DHX9: variants seen among roughly 807,000 people sequenced by gnomAD.
DHX9 encodes DExH-box helicase 9.
Under a neutral mutation model 148.7 loss-of-function variants are expected in DHX9, and 27 were observed. The observed-to-expected ratio is 0.18, with a 90% CI of 0.13 to 0.25. The LOEUF is 0.25. Ranked by LOEUF, DHX9 falls within the 10% of genes least tolerant of loss-of-function variation. The pLI is 1.00. For synonymous variants in DHX9, 529 were observed against 516.6 expected (o/e 1.02, Z -0.33); for missense variants, 796 against 1,559.6 (o/e 0.51, Z 8.25).
intron 22 of DHX9, 68 bp from the exon 23 acceptor site, chr1:182,881,196 G>A (rs774211797): frequency 2.5e-5 from 38 of 1,525,304 alleles, no homozygotes; most frequent in Non-Finnish European, 3.0e-5. Flanking sequence ...ACAGTCGACA[G>A]TCCTACCTGA....
chr1:182,875,608 A>C (rs1273531069), intron 16 of DHX9, among the ~76,000 whole-genome samples: 1 of 151,724 alleles, frequency 6.6e-6, no homozygotes, highest in Non-Finnish European at 1.5e-5. Context: ...TAGAAAACCT[A>C]AGATTATATC....
chr1:182,875,915 A>C, intron 16 of DHX9, 135 bp from the exon 17 acceptor site: 2 of 696,194 alleles, frequency 2.9e-6, no homozygotes, highest in Non-Finnish European at 4.8e-6. Flanking sequence ...TTTCTTCTGT[A>C]TTCTATAGTG....
chr1:182,857,592 C>G (rs1668278943), intron 7 of DHX9, among the ~76,000 whole-genome samples: 1 of 152,208 alleles, frequency 6.6e-6, no homozygotes, highest in Non-Finnish European at 1.5e-5. Context: ...GTTTATCAAA[C>G]TCTGTTGTCA....
chr1:182,856,436 G>T, intron 6 of DHX9, 96 bp from the exon 7 acceptor site: 3 of 968,764 alleles, frequency 3.1e-6, no homozygotes, highest in Admixed American at 2.0e-5. Flanking sequence ...TCTGTGATTT[G>T]CCTAAGCAGT....
chr1:182,845,994 C>A (rs776712996), intron 3 of DHX9, among the ~76,000 whole-genome samples: 1 of 152,108 alleles, frequency 6.6e-6, no homozygotes, highest in Non-Finnish European at 1.5e-5. Flanking sequence ...TTGATTAAAT[C>A]GTTGGCCATT....
At chr1:182,884,111 A>G (rs1649212465) in intron 26 of DHX9, among the ~76,000 whole-genome samples, 1 of 152,134 alleles carries the variant, frequency 6.6e-6, no homozygotes, top group Non-Finnish European at 1.5e-5. Flanking sequence ...GTCTCTACGA[A>G]AAATCCAAAA....
intron 4 of DHX9, 151 bp downstream of exon 4, chr1:182,852,495 C>T (rs1028294436): frequency 1.1e-5 from 6 of 527,474 alleles, no homozygotes; most frequent in African/African-American, 1.9e-5. Flanking sequence ...CACATATTAC[C>T]AGATCATTTA....
intron 21 of DHX9, 78 bp from the exon 22 acceptor site, chr1:182,880,419 C>A (rs908406684): frequency 1.0e-6 from 1 of 958,570 alleles, no homozygotes; most frequent in African/African-American, 1.6e-5. Context: ...CTGTCTTAAC[C>A]TTAATTTAGA....
chr1:182,875,542 A>G (rs1205258076), intron 16 of DHX9, among the ~76,000 whole-genome samples: 1 of 152,240 alleles, frequency 6.6e-6, no homozygotes, highest in Non-Finnish European at 1.5e-5. Context: ...CGACGATAGT[A>G]TAGAAATGGA....
intron 6 of DHX9, among the ~76,000 whole-genome samples, chr1:182,854,852 A>G (rs1329628252): frequency 6.6e-6 from 1 of 152,180 alleles, no homozygotes; most frequent in Non-Finnish European, 1.5e-5. Context: ...TATTACTCCC[A>G]GGAAGGCTCA....
intron 3 of DHX9, among the ~76,000 whole-genome samples, chr1:182,846,919 C>A (rs1668042269): frequency 6.6e-6 from 1 of 151,028 alleles, no homozygotes; most frequent in Non-Finnish European, 1.5e-5. Flanking sequence ...TCATTTTTTC[C>A]ACTGTTTCTC....
chr1:182,880,398 G>A, intron 21 of DHX9, 99 bp from the exon 22 acceptor site: 1 of 680,332 alleles, frequency 1.5e-6, no homozygotes, highest in South Asian at 2.2e-5. Flanking sequence ...TGACAAAAGA[G>A]GAACTCTAAA....
chr1:182,856,102 G>A lies in DHX9; in HGVS notation c.627-430G>A, dbSNP rs570062388. ...TTTGCGTATATTAGCTTAATAGATC[G>A]CAGTCATTAATGGGTGGCCTATGCA... On this transcript the variant is annotated intron_variant, in intron 6 of 27. Coordinates refer to ENST00000367549, the MANE Select transcript of DHX9 (RefSeq NM_001357.5). Among the ~76,000 whole-genome samples the A allele has an allele frequency of 9.2e-5, 14 of 152,266 alleles. No individual in the cohort carries two copies. The South Asian group carries it at 1.0e-3, about 11-fold the overall frequency.
chr1:182,841,588 A>G (rs762722799), intron 1 of DHX9, among the ~76,000 whole-genome samples: 8 of 152,262 alleles, frequency 5.3e-5, no homozygotes, highest in Admixed American at 3.3e-4. Context: ...TAACAAATTT[A>G]TGCTAGGGGT....
At chr1:182,886,589 A>T (rs1649341859) in intron 27 of DHX9, among the ~76,000 whole-genome samples, 1 of 152,202 alleles carries the variant, frequency 6.6e-6, no homozygotes, top group African/African-American at 2.4e-5. Context: ...GGATATGTTT[A>T]ATTGAAGTTG....
At position 182,887,277 on chromosome 1, in the gene DHX9, G is replaced by A; in HGVS notation, c.3656G>A (p.Arg1219Lys). The A allele has an allele frequency of 6.2e-7, 1 of 1,614,146 alleles. No individual in the cohort carries two copies. Among genetic ancestry groups the A allele is most frequent in the Non-Finnish European group, 8.5e-7 (1 of 1,180,030 alleles). Residue 1219 changes from arginine to lysine, a missense_variant, in exon 28 of 28, where the codon AGA becomes AAA. Physicochemically the swap from Arg to Lys is conservative, Grantham distance 26. Transcript: ENST00000367549. Reference sequence around the variant, plus strand: ...GGTGCAGGTGTTGGTGGAGGCTATAGAGGAGTTTCCCGAGGTGGCTTTAGA... The same window carrying A: ...GGTGCAGGTGTTGGTGGAGGCTATAAAGGAGTTTCCCGAGGTGGCTTTAGA... ...GYGAGVGGGYRGVSRGGFRGN... is the reference protein window; with the variant it reads ...GYGAGVGGGYKGVSRGGFRGN...
intron 26 of DHX9, 36 bp from the exon 27 acceptor site, chr1:182,884,577 T>TC: frequency 6.3e-7 from 1 of 1,579,340 alleles, no homozygotes; most frequent in Non-Finnish European, 8.7e-7. Context: ...CTACATATAC[T>TC]CCCTCTCTTA....
At chr1:182,866,077 G>T (rs746497622) in intron 12 of DHX9, among the ~76,000 whole-genome samples, 1 of 152,180 alleles carries the variant, frequency 6.6e-6, no homozygotes, top group Non-Finnish European at 1.5e-5. Flanking sequence ...GAAGGCAGTT[G>T]TTCACCTTCC....
rs1369825244 is a variant in DHX9, at chr1:182,858,219, AAAG to A, written c.796_798del (p.Lys266del). 3 of 1,613,826 alleles carry A rather than the reference AAAG, an allele frequency of 1.9e-6. No homozygotes were observed. Among genetic ancestry groups the A allele is most frequent in the African/African-American group, 1.3e-5 (1 of 74,938 alleles). On this transcript the variant is annotated inframe_deletion, in exon 8 of 28. Coordinates refer to ENST00000367549, the MANE Select transcript of DHX9 (RefSeq NM_001357.5). ...TGGTTGAAGCTTACTCCGGACTTAC[AAAG>A]AAGAAGGAAGGAGAGACAGTGAGTC...
Sources: gnomAD v4.1 joint callset for allele counts (sites outside exome capture counted in the v4.1 genomes callset) on GRCh38, gnomAD v4.1.1 for gene constraint, MANE v1.5 for transcripts, NCBI Gene and HGNC (gene_info 2026-07-23, HGNC 2026-07-21) for gene names.